NRG1: variants seen among roughly 807,000 people sequenced by gnomAD.
NRG1 encodes the protein pro-neuregulin-1, membrane-bound isoform.
A neutral mutation model predicts 63.8 loss-of-function variants in NRG1; 18 were observed. The ratio of observed to expected loss-of-function variants is 0.28; its 90% CI spans 0.19 to 0.42. The LOEUF (loss-of-function observed/expected upper bound fraction) is 0.42. NRG1 is among the 10% of genes least tolerant of loss of function. The pLI, the probability that NRG1 is intolerant of heterozygous loss-of-function variation, is 1.00. For synonymous variants in NRG1, 302 were observed against 301.3 expected (o/e 1.00, Z -0.02); for missense variants, 762 against 814.7 (o/e 0.94, Z 0.79).
chr8:31,820,191 T>C (rs1437398359), intron 1 of NRG1, among the ~76,000 whole-genome samples: 1 of 152,166 alleles, frequency 6.6e-6, no homozygotes, highest in African/African-American at 2.4e-5. Context: ...CCCTAGTTCC[T>C]GTGGAGTAAC....
intron 1 of NRG1, among the ~76,000 whole-genome samples, chr8:32,049,452 G>A (rs1238897356): frequency 1.3e-5 from 2 of 152,102 alleles, no homozygotes; most frequent in East Asian, 3.9e-4. Flanking sequence ...TTTTCATTGA[G>A]CCTCTGGCTA....
intron 1 of NRG1, among the ~76,000 whole-genome samples, chr8:31,808,907 T>C (rs1679732009): frequency 6.6e-6 from 1 of 152,108 alleles, no homozygotes. Context: ...TCTTGGGTAA[T>C]TTTTTGTTTT....
rs565428970 is a variant in NRG1, at chr8:32,473,585, C to A, written c.38-122243C>A. On this transcript the variant is annotated intron_variant, in intron 1 of 10. Coordinates refer to the NRG1 transcript ENST00000519301. ...AAATATACCTAATTGTATTCTAACC[C>A]ACAAGTACCTCATCAATGAGAAGTC... Among the ~76,000 whole-genome samples, 3 of 152,234 alleles carry A rather than the reference C, an allele frequency of 2.0e-5. No homozygotes were observed. The South Asian group carries it at 6.2e-4, about 32-fold the overall frequency.
intron 1 of NRG1, among the ~76,000 whole-genome samples, chr8:31,734,303 G>A (rs1426148136): frequency 6.6e-6 from 1 of 152,218 alleles, no homozygotes; most frequent in Non-Finnish European, 1.5e-5. Context: ...TCCAGCCTGG[G>A]TGACAGAGTA....
chr8:32,723,786 A>G (rs1242095320), intron 5 of NRG1, among the ~76,000 whole-genome samples: 1 of 150,870 alleles, frequency 6.6e-6, no homozygotes, highest in African/African-American at 2.4e-5. Context: ...AAGGAAGGAA[A>G]GAAAGAAGGG....
intron 1 of NRG1, among the ~76,000 whole-genome samples, chr8:31,912,936 T>C (rs985323354): frequency 6.6e-5 from 10 of 152,200 alleles, no homozygotes; most frequent in Non-Finnish European, 1.2e-4. Context: ...TTTGTGCCAT[T>C]GTGCTGTTTT....
At chr8:32,745,498 A>G (rs1312521361) in intron 7 of NRG1, among the ~76,000 whole-genome samples, 1 of 152,214 alleles carries the variant, frequency 6.6e-6, no homozygotes, top group Admixed American at 6.5e-5. Flanking sequence ...TTAAAATATG[A>G]AAGAGAGGGA....
chr8:32,484,440 A>G (rs1825680593), intron 1 of NRG1, among the ~76,000 whole-genome samples: 1 of 152,242 alleles, frequency 6.6e-6, no homozygotes, highest in Admixed American at 6.5e-5. Flanking sequence ...ATGAAATGTG[A>G]TAACATTCAG....
chr8:32,247,460 C>T (rs918526545), intron 1 of NRG1, among the ~76,000 whole-genome samples: 13 of 152,096 alleles, frequency 8.5e-5, no homozygotes, highest in Non-Finnish European at 1.5e-5. Context: ...TAATTCTTTT[C>T]AGCAACTTTC....
intron 1 of NRG1, among the ~76,000 whole-genome samples, chr8:31,696,033 G>A (rs1293508899): frequency 6.6e-6 from 1 of 151,450 alleles, no homozygotes; most frequent in Non-Finnish European, 1.5e-5. Context: ...AAAAGATAAT[G>A]TATACATTCA....
chr8:32,478,818 A>G (rs1824867867), intron 1 of NRG1, among the ~76,000 whole-genome samples: 1 of 152,176 alleles, frequency 6.6e-6, no homozygotes, highest in Non-Finnish European at 1.5e-5. Flanking sequence ...AAACCCCAAT[A>G]TACTTTAAGT....
At chr8:31,934,615 CA>C (rs1835150312) in intron 1 of NRG1, among the ~76,000 whole-genome samples, 1 of 151,796 alleles carries the variant, frequency 6.6e-6, no homozygotes, top group Non-Finnish European at 1.5e-5. Context: ...TTTGTACCTC[CA>C]AAATGTTTGT....
At chr8:32,351,427 C>A (rs567248088) in intron 1 of NRG1, among the ~76,000 whole-genome samples, 1 of 152,140 alleles carries the variant, frequency 6.6e-6, no homozygotes, top group Non-Finnish European at 1.5e-5. Context: ...CGGGGTACTT[C>A]GGTCCATAAA....
rs36213549 is a variant in NRG1 at position 32,552,508 on chromosome 8, C to T, written c.100+3682C>T. 2.9e-3 allele frequency among the ~76,000 whole-genome samples: 449 copies of T among 152,216 alleles called. 1 individual carries two copies. The highest frequency in any genetic ancestry group is 5.4e-3 in the Non-Finnish European group (368 of 68,006). Reference sequence around the variant, plus strand: ...AGGCTGTGTGTTTCCCCAATGACATCACCCACCTGTTTCCCTCACTAAGTG... The same window carrying T: ...AGGCTGTGTGTTTCCCCAATGACATTACCCACCTGTTTCCCTCACTAAGTG... On this transcript the variant is annotated intron_variant, in intron 1 of 11. Coordinates refer to ENST00000356819, the Ensembl canonical transcript of NRG1.
chr8:32,222,389 T>C (rs1845912644), intron 1 of NRG1, among the ~76,000 whole-genome samples: 1 of 152,210 alleles, frequency 6.6e-6, no homozygotes, highest in South Asian at 2.1e-4. Context: ...AATTGGAATT[T>C]CTAAAGTTCT....
chr8:32,762,139 T>G (rs1830828115), intron 11 of NRG1, among the ~76,000 whole-genome samples: 1 of 152,106 alleles, frequency 6.6e-6, no homozygotes, highest in Admixed American at 6.5e-5. Context: ...GTTATGGAAT[T>G]TATGAAATCA....
At chr8:32,399,810 T>A (rs1301140939) in intron 1 of NRG1, among the ~76,000 whole-genome samples, 1 of 152,234 alleles carries the variant, frequency 6.6e-6, no homozygotes, top group African/African-American at 2.4e-5. Flanking sequence ...TTATAGGGTA[T>A]AAGCCAGTGT....
At chr8:32,758,677 TA>T (rs1353103482) in intron 9 of NRG1, among the ~76,000 whole-genome samples, 1 of 150,734 alleles carries the variant, frequency 6.6e-6, no homozygotes, top group Non-Finnish European at 1.5e-5. Context: ...GTCCTCCATA[TA>T]TTATGTGCTT....
At chr8:31,653,138 T>C (rs1805072075) in intron 1 of NRG1, among the ~76,000 whole-genome samples, 3 of 151,618 alleles carry the variant, frequency 2.0e-5, no homozygotes, top group Admixed American at 2.0e-4. Context: ...TCTCTGGGTA[T>C]TGGGATTATT....
Sources: allele counts gnomAD v4.1 joint callset (sites outside exome capture counted in the v4.1 genomes callset), GRCh38; gene constraint gnomAD v4.1.1; transcripts MANE v1.5; gene names NCBI Gene and HGNC (gene_info 2026-07-23, HGNC 2026-07-21).